The following HAVCR1 variants were observed in gnomAD, a reference collection of about 807,000 sequenced individuals.
HAVCR1 encodes the protein hepatitis A virus cellular receptor 1.
In HAVCR1, 34 loss-of-function variants were observed where a neutral mutation model predicts 32.0. The observed-to-expected ratio is 1.06, with a 90% CI of 0.81 to 1.42. The LOEUF is 1.42. Among genes scored for constraint, HAVCR1 ranks in the 40% most tolerant of loss-of-function variants. The pLI is 0.00. For missense variants in HAVCR1, 420 were observed against 442.3 expected, an observed-to-expected ratio of 0.95 and a Z score of 0.45; for synonymous variants, 178 against 170.3, an observed-to-expected ratio of 1.05 and a Z score of -0.35.
intron 7 of HAVCR1, among the ~76,000 whole-genome samples, chr5:157,034,931 GTCT>G (rs973572512): frequency 3.9e-5 from 6 of 151,994 alleles, no homozygotes; most frequent in Non-Finnish European, 8.8e-5. Flanking sequence ...AGTTCCTTAT[GTCT>G]TCTTCTTTCT....
At chr5:157,050,126 T>C (rs1219236757) in intron 4 of HAVCR1, among the ~76,000 whole-genome samples, 1 of 152,184 alleles carries the variant, frequency 6.6e-6, no homozygotes, top group African/African-American at 2.4e-5. Context: ...TCCACCACAG[T>C]CTCAATAACT....
intron 3 of HAVCR1, among the ~76,000 whole-genome samples, chr5:157,054,030 A>T (rs997294233): frequency 2.0e-5 from 3 of 150,674 alleles, no homozygotes; most frequent in African/African-American, 4.9e-5. Context: ...AAAAAATTTT[A>T]AAAATTAGCC....
chr5:157,041,503 A>G (rs1581692526), intron 6 of HAVCR1, among the ~76,000 whole-genome samples: 2 of 151,870 alleles, frequency 1.3e-5, no homozygotes, highest in African/African-American at 4.8e-5. Flanking sequence ...CTCAAAAAAT[A>G]AAAAAAAGAA....
At chr5:157,050,147 A>G (rs879836935) in intron 4 of HAVCR1, among the ~76,000 whole-genome samples, 6 of 152,126 alleles carry the variant, frequency 3.9e-5, no homozygotes, top group Non-Finnish European at 8.8e-5. Flanking sequence ...TCACTTTTCA[A>G]CATCGCTCTT....
intron 6 of HAVCR1, among the ~76,000 whole-genome samples, chr5:157,039,583 A>C (rs1358261678): frequency 6.6e-6 from 1 of 152,186 alleles, no homozygotes; most frequent in Non-Finnish European, 1.5e-5. Context: ...TCCTGACCTC[A>C]GGTGATCCAC....
intron 7 of HAVCR1, among the ~76,000 whole-genome samples, chr5:157,036,892 G>A (rs1364986725): frequency 7.0e-6 from 1 of 142,042 alleles, no homozygotes; most frequent in Non-Finnish European, 1.5e-5. Flanking sequence ...TTTTTGTTTT[G>A]TTTTTGTTTT....
At chr5:157,053,382 T>TAAAAAAAAAA (rs10654856) in intron 3 of HAVCR1, among the ~76,000 whole-genome samples, 1 of 116,814 alleles carries the variant, frequency 8.6e-6, no homozygotes. Flanking sequence ...GACCCTGTCT[T>TAAAAAAAAAA]AAAAAAAAAA....
At chr5:157,037,383 A>C in intron 6 of HAVCR1, 22 bp from the exon 7 acceptor site, 5 of 1,020,196 alleles carry the variant, frequency 4.9e-6, no homozygotes, top group Non-Finnish European at 7.7e-6. Context: ...ACAACAGATC[A>C]AAAAAGCATC....
At chr5:157,034,794 A>G (rs1206021461) in intron 7 of HAVCR1, among the ~76,000 whole-genome samples, 1 of 136,020 alleles carries the variant, frequency 7.4e-6, no homozygotes, top group African/African-American at 2.5e-5. Context: ...CACCTCCTGC[A>G]CAGCCCTAAT....
chr5:157,064,352 A>AAAAG, the HAVCR1 span, among the ~76,000 whole-genome samples: 229 of 145,180 alleles, frequency 1.6e-3, 6 homozygotes, highest in East Asian at 4.9e-3. Flanking sequence ...AAAAAAAAAA[A>AAAAG]AAAGAAAGAA....
At chr5:157,039,889 C>T (rs974009858) in intron 6 of HAVCR1, among the ~76,000 whole-genome samples, 1 of 152,170 alleles carries the variant, frequency 6.6e-6, no homozygotes, top group Non-Finnish European at 1.5e-5. Context: ...ATCTTGACAT[C>T]TTCAGTCAAG....
At chr5:157,065,176 A>C in the HAVCR1 span, among the ~76,000 whole-genome samples, 1 of 152,024 alleles carries the variant, frequency 6.6e-6, no homozygotes, top group African/African-American at 2.4e-5. Flanking sequence ...AAAATTAGCC[A>C]GGCGTGGTGG....
intron 2 of HAVCR1, among the ~76,000 whole-genome samples, chr5:157,055,969 C>G (rs968846470): frequency 1.3e-5 from 2 of 151,860 alleles, no homozygotes; most frequent in Non-Finnish European, 2.9e-5. Flanking sequence ...TTTTTTAAGA[C>G]AGAGTCTTGC....
At chr5:157,057,857 C>T in intron 2 of HAVCR1, 41 bp downstream of exon 2, 1 of 1,516,284 alleles carries the variant, frequency 6.6e-7, no homozygotes. Flanking sequence ...TCTAACCCCC[C>T]TCTACTCCCT....
At chr5:157,047,236 T>C (rs1176341174) in intron 5 of HAVCR1, among the ~76,000 whole-genome samples, 2 of 152,096 alleles carry the variant, frequency 1.3e-5, no homozygotes, top group Admixed American at 6.6e-5. Flanking sequence ...GGATGGAATG[T>C]TGATGTCTTG....
intron 5 of HAVCR1, among the ~76,000 whole-genome samples, chr5:157,044,641 GAA>G (rs748512267): frequency 9.2e-6 from 1 of 108,628 alleles, no homozygotes; most frequent in Non-Finnish European, 1.8e-5. Flanking sequence ...AAGAAAGAAA[GAA>G]AGAAAGAAAG....
chr5:157,046,019 A>G (rs1755376284), intron 5 of HAVCR1, among the ~76,000 whole-genome samples: 1 of 152,044 alleles, frequency 6.6e-6, no homozygotes, highest in Non-Finnish European at 1.5e-5. Flanking sequence ...ATCTATTTTC[A>G]TTTTGCTTTT....
chr5:157,032,533 G>A lies in HAVCR1; in HGVS notation c.986+321C>T, dbSNP rs115637561. Among the ~76,000 whole-genome samples, 373 of 151,886 alleles carry A rather than the reference G, an allele frequency of 2.5e-3. 2 individuals carry two copies. The highest frequency in any genetic ancestry group is 8.5e-3 in the African/African-American group (351 of 41,356). ...AATTCAGTCTCAAAAAAGACAAAGC[G>A]TTAAACGAAATAAAAGAACAAACTA... On this transcript the variant is annotated intron_variant, in intron 8 of 8. Transcript: ENST00000523175.
intron 2 of HAVCR1, among the ~76,000 whole-genome samples, chr5:157,057,045 G>A (rs754865917): frequency 5.9e-4 from 90 of 151,956 alleles, no homozygotes; most frequent in Non-Finnish European, 1.1e-3. Flanking sequence ...GGCCAGGCGC[G>A]GTGACTCACG....
Sources: allele counts gnomAD v4.1 joint callset (sites outside exome capture counted in the v4.1 genomes callset), GRCh38; gene constraint gnomAD v4.1.1; transcripts MANE v1.5; gene names NCBI Gene and HGNC (gene_info 2026-07-23, HGNC 2026-07-21).